Variants in DOCK10 observed in about 807,000 individuals in gnomAD.
The protein encoded by DOCK10 is dedicator of cytokinesis protein 10.
DOCK10 carries 145 observed loss-of-function variants against 280.1 expected under a neutral mutation model. That is an observed-to-expected ratio of 0.52 (90% CI 0.45 to 0.59). DOCK10 has a LOEUF of 0.59. Ranked by LOEUF, DOCK10 falls within the 20% of genes least tolerant of loss-of-function variation. DOCK10 has a pLI of 0.00. For missense variants in DOCK10, 2,368 were observed against 2,651.7 expected, an observed-to-expected ratio of 0.89 and a Z score of 2.35; for synonymous variants, 915 against 942.2, an observed-to-expected ratio of 0.97 and a Z score of 0.53.
At chr2:224,880,909 G>A (rs754736913) in intron 7 of DOCK10, among the ~76,000 whole-genome samples, 1 of 151,138 alleles carries the variant, frequency 6.6e-6, no homozygotes, top group Non-Finnish European at 1.5e-5. Context: ...TTCTGGTATC[G>A]ATGGCTCCCT....
At position 224,802,026 on chromosome 2, in the gene DOCK10, G is replaced by C; in HGVS notation, c.4283C>G (p.Ser1428Cys). The change falls in exon 40 of 56, where the codon TCC becomes TGC. Residue 1428 changes from serine (S) to cysteine (C), a missense_variant. Physicochemically the swap from Ser to Cys is moderately radical, Grantham distance 112. Coordinates refer to ENST00000258390, the MANE Select transcript of DOCK10 (RefSeq NM_014689.3). ...GTGCTGCTTATGGCCTTCATGACTG[G>C]AAGTGGAGTGCATCCTGAAAACAAA... ...GLLSQWMHST[S>C]SHEGHKQHRS... 1.2e-6 allele frequency: 2 copies of C among 1,612,562 alleles called. No homozygotes were observed. The highest frequency in any genetic ancestry group is 8.5e-7 in the Non-Finnish European group (1 of 1,179,128).
At chr2:225,041,085 C>T (rs73075766) in intron 1 of DOCK10, among the ~76,000 whole-genome samples, 8,224 of 152,226 alleles carry the variant, frequency 0.054, 729 homozygotes, top group African/African-American at 0.19. Flanking sequence ...TGCCTCTTCC[C>T]TCTGCCAGGC....
At chr2:224,920,900 T>C (rs909845267) in intron 2 of DOCK10, among the ~76,000 whole-genome samples, 3 of 150,568 alleles carry the variant, frequency 2.0e-5, no homozygotes, top group African/African-American at 7.4e-5. Context: ...ACACAACCAC[T>C]CCCTGTTCCA....
intron 47 of DOCK10, among the ~76,000 whole-genome samples, chr2:224,789,938 G>C (rs540996321): frequency 1.3e-5 from 2 of 151,988 alleles, no homozygotes; most frequent in Non-Finnish European, 1.5e-5. Context: ...CCGCCACCAC[G>C]CCCAGCTAAT....
At chr2:224,967,335 C>T (rs935358922) in intron 1 of DOCK10, among the ~76,000 whole-genome samples, 1 of 152,196 alleles carries the variant, frequency 6.6e-6, no homozygotes, top group Non-Finnish European at 1.5e-5. Context: ...CCACCTCGGC[C>T]TCCCAAAGTG....
chr2:224,782,874 A>T (rs1035109321), intron 50 of DOCK10, among the ~76,000 whole-genome samples: 14 of 152,254 alleles, frequency 9.2e-5, no homozygotes, highest in African/African-American at 3.1e-4. Context: ...AGGGACATAA[A>T]GCACCATTAT....
At chr2:224,855,446 A>C (rs1697059198) in intron 15 of DOCK10, among the ~76,000 whole-genome samples, 1 of 152,198 alleles carries the variant, frequency 6.6e-6, no homozygotes, top group East Asian at 1.9e-4. Flanking sequence ...TTTGAGAGCA[A>C]GCTTGGTCTT....
At position 224,807,678 on chromosome 2, in the gene DOCK10, GTATTGACAGTAAAAGGATACA is replaced by G. The variant is rs1183583788; in HGVS notation, c.3671_3691del (p.Leu1224_Thr1231delinsPro). 1.3e-6 allele frequency: 2 copies of G among 1,549,398 alleles called. No individual in the cohort carries two copies. Among genetic ancestry groups the G allele is most frequent in the Non-Finnish European group, 1.8e-6 (2 of 1,139,372 alleles). On this transcript the variant is annotated inframe_deletion, in exon 33 of 56. Transcript: ENST00000258390. Reference sequence around the variant, plus strand: ...ATTGTGCAAACGTACCTGATTAGATGTATTGACAGTAAAAGGATACAGGTCCTTCAGATAAATCCTTGGCAT... The same window carrying G: ...ATTGTGCAAACGTACCTGATTAGATGGGTCCTTCAGATAAATCCTTGGCAT...
At chr2:224,910,441 G>A (rs1700943664) in intron 3 of DOCK10, among the ~76,000 whole-genome samples, 1 of 152,164 alleles carries the variant, frequency 6.6e-6, no homozygotes, top group South Asian at 2.1e-4. Flanking sequence ...TAGGAGCCCA[G>A]GGACGGAGCT....
At chr2:224,847,065 C>CT (rs1275806295) in intron 19 of DOCK10, among the ~76,000 whole-genome samples, 9 of 152,154 alleles carry the variant, frequency 5.9e-5, no homozygotes, top group Admixed American at 5.9e-4. Context: ...ATTTTGGGAA[C>CT]TGACCATGCC....
chr2:224,777,775 C>A (rs1047093118), intron 51 of DOCK10, among the ~76,000 whole-genome samples: 1 of 152,166 alleles, frequency 6.6e-6, no homozygotes, highest in Non-Finnish European at 1.5e-5. Flanking sequence ...CTCTAGAGAA[C>A]CCTGACTAAT....
chr2:225,018,020 G>T (rs948108232), intron 1 of DOCK10, among the ~76,000 whole-genome samples: 7 of 152,096 alleles, frequency 4.6e-5, no homozygotes, highest in African/African-American at 1.7e-4. Flanking sequence ...CACAGTAATG[G>T]CAGAACGGCC....
chr2:224,870,119 A>G (rs1574967555), intron 11 of DOCK10, among the ~76,000 whole-genome samples: 4 of 152,236 alleles, frequency 2.6e-5, no homozygotes, highest in Non-Finnish European at 5.9e-5. Context: ...TGCTGTTCTC[A>G]TGATAGTGAG....
Position 224,931,575 on chromosome 2 carries a change from A to G in DOCK10, c.217T>C (p.Leu73=), listed in dbSNP as rs1702379457. 1 of 1,611,194 alleles carries G rather than the reference A, an allele frequency of 6.2e-7. No individual in the cohort carries two copies. The highest frequency in any genetic ancestry group is 8.5e-7 in the Non-Finnish European group (1 of 1,178,688). ...TYRNDPLQDL[L]FFPSDDFSAA... is the part of the protein sequence containing the mutation. ...GAAAAGTCATCACTGGGGAAGAACA[A>G]GAGATCTTGAAGAGGATCATTCCGG... The change falls in exon 2 of 56, where the codon TTG becomes CTG. Residue 73 remains leucine (L), a synonymous_variant. Transcript: ENST00000258390.
intron 3 of DOCK10, among the ~76,000 whole-genome samples, chr2:224,901,245 A>G (rs1700279285): frequency 6.6e-6 from 1 of 152,172 alleles, no homozygotes; most frequent in Non-Finnish European, 1.5e-5. Context: ...TGCAAATTCA[A>G]AGTCACAGGC....
Position 224,814,379 on chromosome 2 carries a change from A to G in DOCK10, c.3365-15T>C. Reference sequence around the variant, plus strand: ...TGTCAAAGGATCTGAATTTAATATAAATAAAAAGTTCAGATATATACATAT... The same window carrying G: ...TGTCAAAGGATCTGAATTTAATATAGATAAAAAGTTCAGATATATACATAT... On this transcript the variant is annotated splice_polypyrimidine_tract_variant and intron_variant, in intron 30 of 55. Transcript: ENST00000258390. 1 of 1,492,080 alleles carries G rather than the reference A, an allele frequency of 6.7e-7. No homozygotes were observed. The highest frequency in any genetic ancestry group is 9.0e-7 in the Non-Finnish European group (1 of 1,107,934). 92.4% of individuals were successfully genotyped at this position (1,492,080 alleles called of 1,614,324 possible). A position where few individuals can be genotyped will look rare whatever the true frequency, so the allele number is the denominator to read the frequency against.
intron 1 of DOCK10, among the ~76,000 whole-genome samples, chr2:224,950,965 G>C (rs962154052): frequency 6.6e-6 from 1 of 152,198 alleles, no homozygotes; most frequent in Admixed American, 6.5e-5. Flanking sequence ...TGAGGTTAAG[G>C]AAGGTGCTGC....
rs1399212111 is a variant in DOCK10 at position 224,970,792 on chromosome 2, C to G, written c.124-39124G>C. Among the ~76,000 whole-genome samples, 2 of 152,194 alleles carry G rather than the reference C, an allele frequency of 1.3e-5. No homozygotes were observed. Among genetic ancestry groups the G allele is most frequent in the Non-Finnish European group, 2.9e-5 (2 of 68,032 alleles). On this transcript the variant is annotated intron_variant, in intron 1 of 55. Transcript: ENST00000258390. This position sits in a 1 kb window ranked among gnomAD's most constrained non-coding sequence, Gnocchi z 4.6. ...GCAAGAATCCCTATGACAGAATTGG[C>G]TTTCATCTCCAAATGGATTTATTCC... is the stretch of plus-strand genomic sequence containing the variant.
chr2:224,882,559 C>T (rs1376594603), intron 7 of DOCK10, among the ~76,000 whole-genome samples: 3 of 152,040 alleles, frequency 2.0e-5, no homozygotes, highest in Non-Finnish European at 2.9e-5. Flanking sequence ...CTAAGGAAAA[C>T]GATGATATGG....
Sources: allele counts gnomAD v4.1 joint callset (sites outside exome capture counted in the v4.1 genomes callset), GRCh38; gene constraint gnomAD v4.1.1; non-coding constraint Gnocchi (gnomAD v3.1); transcripts MANE v1.5; gene names NCBI Gene and HGNC (gene_info 2026-07-23, HGNC 2026-07-21).